Variants in CSMD1 observed in about 807,000 individuals in gnomAD.
CSMD1 encodes CUB and sushi domain-containing protein 1.
CSMD1 carries 213 observed loss-of-function variants against 417.5 expected under a neutral mutation model. That is an observed-to-expected ratio of 0.51 (90% CI 0.46 to 0.57). The LOEUF is 0.57. CSMD1 is among the 20% of genes least tolerant of loss of function. CSMD1 has a pLI of 0.00. For synonymous variants in CSMD1, 2,862 were observed against 1,736.8 expected, an observed-to-expected ratio of 1.65 and a Z score of -16.11; for missense variants, 6,923 against 4,529.7, an observed-to-expected ratio of 1.53 and a Z score of -15.17.
Position 3,468,722 on chromosome 8 carries a change from A to G in CSMD1, c.1551T>C (p.Ala517=), listed in dbSNP as rs757163218. The G allele has an allele frequency of 1.9e-6, 3 of 1,600,240 alleles. No individual in the cohort carries two copies. Among genetic ancestry groups the G allele is most frequent in the Non-Finnish European group, 2.6e-6 (3 of 1,172,616 alleles). Residue 517 remains alanine (A), a synonymous_variant, in exon 12 of 70, where the codon GCT becomes GCC. Transcript: ENST00000635120. Reference sequence around the variant, plus strand: ...GTAATCTCATCATACCTTGGTAAACAGCTTTAAACCCAGGTGAGCCAATGC... The same window carrying G: ...GTAATCTCATCATACCTTGGTAAACGGCTTTAAACCCAGGTGAGCCAATGC... ...DDSIGSPGFK[A]VYQEIEKGGC...
intron 7 of CSMD1, among the ~76,000 whole-genome samples, chr8:3,704,130 T>A (rs535977391): frequency 6.6e-6 from 1 of 152,080 alleles, no homozygotes; most frequent in African/African-American, 2.4e-5. Flanking sequence ...CAGTCCTCCA[T>A]CACTGTGGCA....
chr8:4,677,644 T>C (rs1805779450), intron 1 of CSMD1, among the ~76,000 whole-genome samples: 1 of 152,210 alleles, frequency 6.6e-6, no homozygotes, highest in Non-Finnish European at 1.5e-5. Context: ...TATGTAATCA[T>C]TAATTAATCT....
intron 48 of CSMD1, among the ~76,000 whole-genome samples, chr8:3,088,843 T>TGA (rs1554509434): frequency 8.8e-6 from 1 of 114,084 alleles, no homozygotes; most frequent in Admixed American, 9.4e-5. Flanking sequence ...ACTGTGCTAG[T>TGA]AAAAAAAAAA....
intron 2 of CSMD1, among the ~76,000 whole-genome samples, chr8:4,426,664 A>G (rs773047190): frequency 5.9e-4 from 86 of 146,960 alleles, no homozygotes; most frequent in Non-Finnish European, 1.0e-3. Context: ...TTTTATAGTA[A>G]TATTTTATTA....
intron 1 of CSMD1, among the ~76,000 whole-genome samples, chr8:4,785,968 G>C (rs80115241): frequency 2.6e-5 from 4 of 152,190 alleles, no homozygotes; most frequent in African/African-American, 7.2e-5. Context: ...TTATAGGAAA[G>C]ACATCCTGCA....
chr8:3,772,518 TA>T (rs1798658383), intron 5 of CSMD1, among the ~76,000 whole-genome samples: 1 of 36,836 alleles, frequency 2.7e-5, no homozygotes, highest in African/African-American at 6.4e-5. Flanking sequence ...CATATATACA[TA>T]TATACACATA....
chr8:3,400,109 G>T (rs764841229), intron 15 of CSMD1, among the ~76,000 whole-genome samples: 1 of 152,152 alleles, frequency 6.6e-6, no homozygotes, highest in Non-Finnish European at 1.5e-5. Flanking sequence ...TTGTGACAGT[G>T]ATTTGTAATT....
chr8:3,981,901 G>T (rs1378283905), intron 5 of CSMD1, among the ~76,000 whole-genome samples: 1 of 152,128 alleles, frequency 6.6e-6, no homozygotes, highest in African/African-American at 2.4e-5. Flanking sequence ...TACAGAACTA[G>T]TTACAATTGC....
At chr8:4,634,618 T>C (rs952093234) in intron 2 of CSMD1, among the ~76,000 whole-genome samples, 4 of 152,212 alleles carry the variant, frequency 2.6e-5, no homozygotes, top group African/African-American at 9.6e-5. Flanking sequence ...ATCCGTCCTT[T>C]GAATTCTAGA....
chr8:4,161,857 A>G (rs951892818), intron 3 of CSMD1, among the ~76,000 whole-genome samples: 6 of 152,222 alleles, frequency 3.9e-5, no homozygotes, highest in African/African-American at 1.2e-4. Flanking sequence ...TCTTTGCCAT[A>G]GAATTTAATT....
At chr8:4,831,337 G>C (rs984251994) in intron 1 of CSMD1, among the ~76,000 whole-genome samples, 1 of 152,060 alleles carries the variant, frequency 6.6e-6, no homozygotes, top group Non-Finnish European at 1.5e-5. Context: ...AGCAATTACT[G>C]CAATACCTTA....
At chr8:3,405,707 C>T (rs1388152513) in intron 15 of CSMD1, among the ~76,000 whole-genome samples, 1 of 152,116 alleles carries the variant, frequency 6.6e-6, no homozygotes, top group East Asian at 1.9e-4. Context: ...CCTTTTGAGT[C>T]TGGAGGCAGA....
chr8:4,741,587 C>T (rs568463800), intron 1 of CSMD1, among the ~76,000 whole-genome samples: 140 of 152,210 alleles, frequency 9.2e-4, no homozygotes, highest in African/African-American at 3.2e-3. Flanking sequence ...ACATGTGTCT[C>T]GAGGCTTGGA....
chr8:4,581,850 C>G (rs889213459), intron 2 of CSMD1, among the ~76,000 whole-genome samples: 2 of 152,208 alleles, frequency 1.3e-5, no homozygotes, highest in Non-Finnish European at 2.9e-5. Context: ...TGACCCAAAT[C>G]TCTGGACTCT....
At chr8:4,266,182 A>C (rs1281608880) in intron 3 of CSMD1, among the ~76,000 whole-genome samples, 1 of 104,662 alleles carries the variant, frequency 9.6e-6, no homozygotes, top group African/African-American at 2.6e-5. Context: ...AGTGTTATTC[A>C]CCAAGTTGGA....
chr8:3,478,125 T>A (rs998684236), intron 11 of CSMD1, among the ~76,000 whole-genome samples: 1 of 152,252 alleles, frequency 6.6e-6, no homozygotes, highest in Non-Finnish European at 1.5e-5. Flanking sequence ...CACTCAAGTA[T>A]GGCAGACTTT....
At chr8:4,435,028 C>T (rs1798076122) in intron 2 of CSMD1, among the ~76,000 whole-genome samples, 1 of 151,794 alleles carries the variant, frequency 6.6e-6, no homozygotes, top group Non-Finnish European at 1.5e-5. Context: ...TTTAAGAAGC[C>T]AATACTGTTG....
At chr8:4,071,833 G>A (rs984840039) in intron 3 of CSMD1, among the ~76,000 whole-genome samples, 3 of 152,186 alleles carry the variant, frequency 2.0e-5, no homozygotes, top group East Asian at 1.9e-4. Flanking sequence ...TTGTGGGGGG[G>A]TGGTGTGCAC....
At chr8:3,516,201 T>C (rs1216215263) in intron 10 of CSMD1, among the ~76,000 whole-genome samples, 1 of 152,230 alleles carries the variant, frequency 6.6e-6, no homozygotes, top group African/African-American at 2.4e-5. Flanking sequence ...AATTTGAATA[T>C]AACTGTCCTG....
Sources: gnomAD v4.1 joint callset for allele counts (sites outside exome capture counted in the v4.1 genomes callset) on GRCh38, gnomAD v4.1.1 for gene constraint, MANE v1.5 for transcripts, NCBI Gene and HGNC (gene_info 2026-07-23, HGNC 2026-07-21) for gene names.